SLC8A3: variants seen among roughly 807,000 people sequenced by gnomAD.
SLC8A3 encodes the protein sodium/calcium exchanger 3.
In SLC8A3, 37 loss-of-function variants were observed where a neutral mutation model predicts 65.4. The ratio of observed to expected loss-of-function variants is 0.57; its 90% CI spans 0.44 to 0.74. The LOEUF (loss-of-function observed/expected upper bound fraction) is 0.74, where lower values mean the gene tolerates loss of function less well. SLC8A3 is among the 30% of genes least tolerant of loss of function. The probability of loss-of-function intolerance (pLI) is 0.00; values close to 1 mark genes in which losing one functional copy is unlikely to be tolerated. For missense variants in SLC8A3, 1,112 were observed against 1,172.1 expected (o/e 0.95, Z 0.75); for synonymous variants, 461 against 444.5 (o/e 1.04, Z -0.47).
intron 2 of SLC8A3, among the ~76,000 whole-genome samples, chr14:70,098,610 C>A (rs1364497280): frequency 6.6e-6 from 1 of 152,158 alleles, no homozygotes; most frequent in East Asian, 1.9e-4. Flanking sequence ...AGGGGTCCAG[C>A]CCACTGCTGG....
intron 1 of SLC8A3, among the ~76,000 whole-genome samples, chr14:70,170,754 C>T (rs1426079311): frequency 2.6e-5 from 4 of 152,146 alleles, no homozygotes; most frequent in African/African-American, 9.7e-5. Context: ...CCATGAAGAC[C>T]TCCCTCCCAA....
intron 2 of SLC8A3, among the ~76,000 whole-genome samples, chr14:70,140,130 A>G (rs1015198557): frequency 5.3e-5 from 8 of 152,252 alleles, no homozygotes; most frequent in African/African-American, 1.9e-4. Flanking sequence ...TTTTAACCAC[A>G]AAAGTTGCCA....
At chr14:70,147,997 G>A (rs888242053) in intron 2 of SLC8A3, among the ~76,000 whole-genome samples, 13 of 152,154 alleles carry the variant, frequency 8.5e-5, no homozygotes, top group Non-Finnish European at 1.9e-4. Flanking sequence ...AGGATGGTTC[G>A]ACCGACAATT....
At chr14:70,050,981 G>C in intron 5 of SLC8A3, 27 bp downstream of exon 5, 1 of 1,506,280 alleles carries the variant, frequency 6.6e-7, no homozygotes. Context: ...GCTTCTCCCA[G>C]CAAGGCCAGC....
At chr14:70,153,271 T>C (rs1185444810) in intron 2 of SLC8A3, among the ~76,000 whole-genome samples, 1 of 152,100 alleles carries the variant, frequency 6.6e-6, no homozygotes, top group Non-Finnish European at 1.5e-5. Flanking sequence ...GTCCTGGTGG[T>C]GTGTGAGGCA....
intron 2 of SLC8A3, among the ~76,000 whole-genome samples, chr14:70,069,804 C>T (rs75291167): frequency 0.043 from 6,537 of 152,238 alleles, 418 homozygotes; most frequent in East Asian, 0.36. Flanking sequence ...TCATCTCGTC[C>T]CTGAAAGCGG....
chr14:70,110,907 C>T (rs999750645), intron 2 of SLC8A3, among the ~76,000 whole-genome samples: 41 of 152,168 alleles, frequency 2.7e-4, no homozygotes, highest in Non-Finnish European at 5.4e-4. Context: ...GTCTCGATCT[C>T]CTGACCTCAT....
Position 70,116,809 on chromosome 14 carries a change from A to G in SLC8A3, c.1784+49830T>C, listed in dbSNP as rs549350991. On this transcript the variant is annotated intron_variant, in intron 2 of 6. Transcript: ENST00000356921. ...GCCTTTAAAAACAAATCATTGAGAA[A>G]GAAAATGATGCAGATTGGATTCTCC... Among the ~76,000 whole-genome samples the G allele has an allele frequency of 4.6e-5, 7 of 152,358 alleles. No homozygotes were observed. The South Asian group carries it at 1.5e-3, about 32-fold the overall frequency.
Position 70,044,538 on chromosome 14 carries a change from G to A in SLC8A3, c.*1409C>T, listed in dbSNP as rs565738568. 18 of 152,160 alleles carry A rather than the reference G, an allele frequency of 1.2e-4. No individual in the cohort carries two copies. The highest frequency in any genetic ancestry group is 3.9e-4 in the African/African-American group (16 of 41,490). The allele number at this position is 152,160 out of a possible 1,614,324, so 9.4% of individuals were successfully genotyped here. A position where few individuals can be genotyped will look rare whatever the true frequency, so the allele number is the denominator to read the frequency against. On this transcript the variant is annotated 3_prime_UTR_variant, in exon 7 of 7. Transcript: ENST00000356921. The stretch of plus-strand genomic sequence containing the variant: ...CGTTGAGAAAAGGTCTGTAGGGCAC[G>A]GAGATCTCTTTCTCCAAAAACCCAG...
intron 2 of SLC8A3, among the ~76,000 whole-genome samples, chr14:70,082,901 A>G (rs1280573113): frequency 6.6e-6 from 1 of 152,158 alleles, no homozygotes; most frequent in Non-Finnish European, 1.5e-5. Flanking sequence ...TTTCTTCCCC[A>G]TCTGTACCAA....
At chr14:70,057,387 TC>T (rs898141486) in intron 3 of SLC8A3, among the ~76,000 whole-genome samples, 4 of 152,116 alleles carry the variant, frequency 2.6e-5, no homozygotes, top group African/African-American at 7.2e-5. Context: ...TGGAAGAGCT[TC>T]CCCCAAGTTC....
chr14:70,178,054 G>T (rs142031083), intron 1 of SLC8A3, among the ~76,000 whole-genome samples: 230 of 152,280 alleles, frequency 1.5e-3, no homozygotes, highest in African/African-American at 5.4e-3. Context: ...GAAGATGATG[G>T]TGAAGAGGAA....
chr14:70,126,671 T>C (rs1894479770), intron 2 of SLC8A3, among the ~76,000 whole-genome samples: 1 of 151,688 alleles, frequency 6.6e-6, no homozygotes, highest in South Asian at 2.1e-4. Flanking sequence ...GAAAATTCCA[T>C]GTTCCTCCCA....
At chr14:70,141,665 C>T (rs1040382350) in intron 2 of SLC8A3, among the ~76,000 whole-genome samples, 1 of 152,190 alleles carries the variant, frequency 6.6e-6, no homozygotes, top group Non-Finnish European at 1.5e-5. Context: ...GTCAACAAAA[C>T]AAGCTCCCCT....
intron 2 of SLC8A3, among the ~76,000 whole-genome samples, chr14:70,085,794 A>G (rs912612327): frequency 6.6e-6 from 1 of 152,214 alleles, no homozygotes; most frequent in Non-Finnish European, 1.5e-5. Flanking sequence ...CTTACATGTC[A>G]TTTAATATGC....
intron 2 of SLC8A3, among the ~76,000 whole-genome samples, chr14:70,076,157 C>A (rs773687050): frequency 2.0e-5 from 3 of 152,226 alleles, no homozygotes; most frequent in Non-Finnish European, 2.9e-5. Context: ...GGCCTCTGCA[C>A]TACCTGCTTC....
chr14:70,164,995 T>C (rs751726819), intron 2 of SLC8A3, among the ~76,000 whole-genome samples: 8 of 152,216 alleles, frequency 5.3e-5, no homozygotes, highest in Non-Finnish European at 7.3e-5. Context: ...AATAAATCAA[T>C]TTGTCAATGG....
chr14:70,188,306 C>T (rs1341980490), intron 1 of SLC8A3, 73 bp downstream of exon 1: 1 of 152,414 alleles, frequency 6.6e-6, no homozygotes, highest in Non-Finnish European at 1.5e-5. Flanking sequence ...CATCCCAAGC[C>T]CCCCAACCTC....
intron 2 of SLC8A3, among the ~76,000 whole-genome samples, chr14:70,139,654 TC>T (rs1370804678): frequency 6.6e-6 from 1 of 152,094 alleles, no homozygotes; most frequent in Non-Finnish European, 1.5e-5. Flanking sequence ...TTCCCATGGC[TC>T]CCCAAAGCAG....
Sources: allele counts gnomAD v4.1 joint callset (sites outside exome capture counted in the v4.1 genomes callset), GRCh38; gene constraint gnomAD v4.1.1; transcripts MANE v1.5; gene names NCBI Gene and HGNC (gene_info 2026-07-23, HGNC 2026-07-21).